Variants in CD38 observed in about 807,000 individuals in gnomAD.
CD38 encodes CD38 molecule.
CD38 carries 31 observed loss-of-function variants against 36.3 expected under a neutral mutation model. That is an observed-to-expected ratio of 0.85 (90% confidence interval 0.64 to 1.15). The LOEUF is 1.15. Among genes scored for constraint, CD38 ranks in the 50% most tolerant of loss-of-function variants. The pLI is 0.00. For synonymous variants in CD38, 131 were observed against 135.2 expected (o/e 0.97, Z 0.22); for missense variants, 380 against 371.9 (o/e 1.02, Z -0.18).
Position 15,799,414 on chromosome 4 carries a change from T to C in CD38, c.234-17097T>C, listed in dbSNP as rs770524802. ...GTTGTTTAAATTACTAATGCTTTGA[T>C]ATCCAATAGAACATGTCTGCTTTCT... On this transcript the variant is annotated intron_variant, in intron 1 of 7. Transcript: ENST00000226279. Among the ~76,000 whole-genome samples, 12 of 152,348 alleles carry C rather than the reference T, an allele frequency of 7.9e-5. No individual in the cohort carries two copies. The East Asian group carries it at 1.9e-3, about 24-fold the overall frequency.
In CD38 at chr4:15,828,008, G is replaced by A. The variant is rs141748755; in HGVS notation, c.499+2992G>A. Among the ~76,000 whole-genome samples, 344 of 152,012 alleles carry A rather than the reference G, an allele frequency of 2.3e-3. 1 individual carries two copies. The highest frequency in any genetic ancestry group is 7.7e-3 in the African/African-American group (319 of 41,478). The stretch of plus-strand genomic sequence containing the variant: ...AATCAAACTAATTAACATATCCACC[G>A]CCTCAAATACTTTTTTTAGTTTTTG... On this transcript the variant is annotated intron_variant, in intron 3 of 7. Transcript: ENST00000226279.
chr4:15,804,710 T>C (rs1204760495), intron 1 of CD38, among the ~76,000 whole-genome samples: 1 of 152,098 alleles, frequency 6.6e-6, no homozygotes, highest in African/African-American at 2.4e-5. Flanking sequence ...ATGTGGGAGC[T>C]AAAAAAGTTG....
At chr4:15,788,828 A>G (rs1449643533) in intron 1 of CD38, among the ~76,000 whole-genome samples, 1 of 152,238 alleles carries the variant, frequency 6.6e-6, no homozygotes, top group African/African-American at 2.4e-5. Flanking sequence ...TGACAAACTT[A>G]GTTCAGAGAA....
In CD38 at chr4:15,825,014, C is replaced by A. The variant is rs1723818276; in HGVS notation, c.497C>A (p.Ser166Tyr). 3 of 1,608,814 alleles carry A rather than the reference C, an allele frequency of 1.9e-6. No homozygotes were observed. The South Asian group carries it at 3.3e-5, about 18-fold the overall frequency. ...DLTWCGEFNTSKINYQSCPDW... is the reference protein window; with the variant it reads ...DLTWCGEFNTYKINYQSCPDW... ...ACATGGTGTGGTGAATTCAACACTTCCAGTGAGGCTCTGGGCCCTGTGGGA... is the reference window on the plus strand; with the variant it reads ...ACATGGTGTGGTGAATTCAACACTTACAGTGAGGCTCTGGGCCCTGTGGGA... Residue 166 changes from serine to tyrosine, a missense_variant and splice_region_variant, in exon 3 of 8, where the codon TCC (serine) becomes TAC (tyrosine). Ser to Tyr is a moderately radical substitution (Grantham distance 144). Transcript: ENST00000226279.
chr4:15,824,698 A>G (rs1723809207), intron 2 of CD38, among the ~76,000 whole-genome samples, 183 bp from the exon 3 acceptor site: 1 of 146,954 alleles, frequency 6.8e-6, no homozygotes, highest in South Asian at 2.1e-4. Flanking sequence ...ACACACACAC[A>G]CACTCTCTCT....
Position 15,792,445 on chromosome 4 carries a change from AG to A in CD38, c.233+13800del, listed in dbSNP as rs1164399930. Among the ~76,000 whole-genome samples the A allele has an allele frequency of 4.5e-3, 666 of 148,820 alleles. 14 individuals are homozygous for A. Among genetic ancestry groups the A allele is most frequent in the African/African-American group, 0.015 (613 of 39,612 alleles). ...ATAAAAATAAAATAAAATAAAAAAA[AG>A]GAATGAATCAAGAAAAAAAAAGAAA... On this transcript the variant is annotated intron_variant, in intron 1 of 7. Coordinates refer to ENST00000226279, the MANE Select transcript of CD38 (RefSeq NM_001775.4).
At chr4:15,806,870 T>C (rs1212975784) in intron 1 of CD38, among the ~76,000 whole-genome samples, 1 of 152,240 alleles carries the variant, frequency 6.6e-6, no homozygotes, top group Non-Finnish European at 1.5e-5. Context: ...TCCAGCCTTC[T>C]AGGTAAACTT....
At chr4:15,819,135 G>C (rs890466271) in intron 2 of CD38, among the ~76,000 whole-genome samples, 2 of 152,126 alleles carry the variant, frequency 1.3e-5, no homozygotes, top group East Asian at 3.9e-4. Flanking sequence ...GAGTTGAACA[G>C]TGAGAACACA....
rs755762575 is a variant in CD38, at chr4:15,850,437, T to G, written c.*1835T>G. Reference sequence around the variant, plus strand: ...GGAGTCAGGCATTTCTGGATTCATATTTTGACATCATGCTGTCATCTTGAA... The same window carrying G: ...GGAGTCAGGCATTTCTGGATTCATAGTTTGACATCATGCTGTCATCTTGAA... On this transcript the variant is annotated 3_prime_UTR_variant, in exon 8 of 8. Transcript: ENST00000226279. 1 of 152,214 alleles carries G rather than the reference T, an allele frequency of 6.6e-6. No homozygotes were observed. Among genetic ancestry groups the G allele is most frequent in the Non-Finnish European group, 1.5e-5 (1 of 68,048 alleles). 9.4% of individuals were successfully genotyped at this position (152,214 alleles called of 1,614,324 possible).
At chr4:15,833,197 G>T (rs1723992812) in intron 3 of CD38, among the ~76,000 whole-genome samples, 1 of 152,134 alleles carries the variant, frequency 6.6e-6, no homozygotes, top group Admixed American at 6.5e-5. Context: ...GGGACCCCAA[G>T]CCCAGTTGGT....
At chr4:15,796,364 C>T (rs1041758644) in intron 1 of CD38, among the ~76,000 whole-genome samples, 3 of 152,060 alleles carry the variant, frequency 2.0e-5, no homozygotes, top group Non-Finnish European at 4.4e-5. Context: ...ATTTTTCCTA[C>T]TTGAGGGAAC....
At chr4:15,813,149 T>C (rs1486232756) in intron 1 of CD38, among the ~76,000 whole-genome samples, 2 of 152,244 alleles carry the variant, frequency 1.3e-5, no homozygotes, top group East Asian at 3.8e-4. Flanking sequence ...AGAACTCCAA[T>C]ACAATGTTGA....
In CD38 at chr4:15,852,381, T is replaced by C. The variant is rs2148931229; in HGVS notation, c.*3779T>C. On this transcript the variant is annotated 3_prime_UTR_variant, in exon 8 of 8. Transcript: ENST00000226279. ...CATCGACTTACTTCTTGGTGCCTTA[T>C]TCCTCCTTAGAACAATTCCTAAATC... 6.6e-6 allele frequency: 1 copy of C among 152,348 alleles called. No homozygotes were observed. The highest frequency in any genetic ancestry group is 2.1e-4 in the South Asian group (1 of 4,826). 9.4% of individuals were successfully genotyped at this position (152,348 alleles called of 1,614,324 possible).
At chr4:15,814,369 A>T (rs1448856178) in intron 1 of CD38, among the ~76,000 whole-genome samples, 4 of 152,068 alleles carry the variant, frequency 2.6e-5, no homozygotes, top group Non-Finnish European at 4.4e-5. Context: ...GATTGCAAAA[A>T]ATTTCTCCCA....
chr4:15,840,179 C>G (rs1404660874), intron 6 of CD38, 61 bp downstream of exon 6: 4 of 1,194,992 alleles, frequency 3.3e-6, no homozygotes, highest in Non-Finnish European at 5.0e-6. Flanking sequence ...AAAGAATCCA[C>G]AGTCACAAGC....
At chr4:15,816,758 A>T in intron 2 of CD38, 118 bp downstream of exon 2, 1 of 1,105,306 alleles carries the variant, frequency 9.0e-7, no homozygotes, top group Non-Finnish European at 1.4e-6. Flanking sequence ...TTATAGTGTG[A>T]GTGTGGTTGG....
At chr4:15,800,257 G>GT (rs1056489250) in intron 1 of CD38, among the ~76,000 whole-genome samples, 6 of 151,860 alleles carry the variant, frequency 4.0e-5, no homozygotes, top group Middle Eastern at 3.4e-3. Context: ...CACCTTTCGT[G>GT]TTTTTTTTCC....
chr4:15,801,349 T>G (rs1358716874), intron 1 of CD38, among the ~76,000 whole-genome samples: 1 of 151,978 alleles, frequency 6.6e-6, no homozygotes, highest in Non-Finnish European at 1.5e-5. Flanking sequence ...GCTTTACTGC[T>G]GGATTCTACC....
intron 3 of CD38, among the ~76,000 whole-genome samples, chr4:15,826,832 T>A (rs1329490269): frequency 6.6e-6 from 1 of 152,162 alleles, no homozygotes; most frequent in Non-Finnish European, 1.5e-5. Flanking sequence ...TACTTTAAAA[T>A]TTTTGGCTCA....
Sources: gnomAD v4.1 joint callset for allele counts (sites outside exome capture counted in the v4.1 genomes callset) on GRCh38, gnomAD v4.1.1 for gene constraint, MANE v1.5 for transcripts, NCBI Gene and HGNC (gene_info 2026-07-23, HGNC 2026-07-21) for gene names.